Variants in KCNH5 observed in about 807,000 individuals in gnomAD.
KCNH5 encodes the protein voltage-gated delayed rectifier potassium channel KCNH5.
Under a neutral mutation model 96.1 loss-of-function variants are expected in KCNH5, and 46 were observed. The ratio of observed to expected loss-of-function variants is 0.48; its 90% CI spans 0.38 to 0.61. The LOEUF is 0.61. Ranked by LOEUF, KCNH5 falls within the 20% of genes least tolerant of loss-of-function variation. The pLI is 0.00. For synonymous variants in KCNH5, 439 were observed against 449.8 expected (o/e 0.98, Z 0.30); for missense variants, 907 against 1,225.8 (o/e 0.74, Z 3.88).
In KCNH5 at chr14:63,045,259, G is replaced by A. The variant is rs150993304; in HGVS notation, c.-73C>T. ...GATGCAGGCAAAGAAGGTGGAGGAA[G>A]AGGAGGAAAAGGTGGAAGAGAAGAT... On this transcript the variant is annotated 5_prime_UTR_variant, in exon 1 of 11. Coordinates refer to ENST00000322893, the MANE Select transcript of KCNH5 (RefSeq NM_139318.5). The A allele has an allele frequency of 0.017, 19,965 of 1,202,152 alleles. 215 individuals carry two copies. The highest frequency in any genetic ancestry group is 0.021 in the South Asian group (1,734 of 82,620). 74.5% of individuals were successfully genotyped at this position (1,202,152 alleles called of 1,614,324 possible).
At chr14:63,023,834 T>C (rs1032817127) in intron 1 of KCNH5, among the ~76,000 whole-genome samples, 7 of 152,050 alleles carry the variant, frequency 4.6e-5, no homozygotes, top group African/African-American at 1.7e-4. Context: ...TTTTAGAAAA[T>C]TTACAAATAT....
At chr14:62,810,021 A>T (rs1033345045) in intron 8 of KCNH5, among the ~76,000 whole-genome samples, 2 of 152,032 alleles carry the variant, frequency 1.3e-5, no homozygotes, top group East Asian at 3.9e-4. Flanking sequence ...AGTTCATGAA[A>T]AGTCTTCTAA....
chr14:63,012,299 A>G (rs1891244406), intron 2 of KCNH5, among the ~76,000 whole-genome samples: 1 of 152,224 alleles, frequency 6.6e-6, no homozygotes, highest in Admixed American at 6.5e-5. Flanking sequence ...AAAATGGACA[A>G]CATTTGAAAT....
intron 7 of KCNH5, among the ~76,000 whole-genome samples, chr14:62,943,310 C>A (rs1389542996): frequency 6.6e-6 from 1 of 152,046 alleles, no homozygotes; most frequent in Non-Finnish European, 1.5e-5. Context: ...CATATGAAGA[C>A]AAGAGTATAA....
chr14:62,801,253 T>C (rs1886653292), intron 9 of KCNH5, among the ~76,000 whole-genome samples: 2 of 152,072 alleles, frequency 1.3e-5, no homozygotes, highest in Admixed American at 1.3e-4. Flanking sequence ...CTATGGTAGG[T>C]TGACCTCAGT....
At chr14:62,996,363 A>C (rs540046635) in intron 4 of KCNH5, among the ~76,000 whole-genome samples, 19 of 152,320 alleles carry the variant, frequency 1.2e-4, no homozygotes, top group Non-Finnish European at 2.5e-4. Context: ...GAGAAGTCTC[A>C]AAAGTCTATT....
chr14:62,910,946 T>C (rs1889141289), intron 7 of KCNH5, among the ~76,000 whole-genome samples: 1 of 94,490 alleles, frequency 1.1e-5, no homozygotes, highest in Non-Finnish European at 2.3e-5. Flanking sequence ...CACACACCCC[T>C]CTGTTGTTCT....
At chr14:62,949,592 G>C (rs1240024439) in intron 7 of KCNH5, among the ~76,000 whole-genome samples, 2 of 152,000 alleles carry the variant, frequency 1.3e-5, no homozygotes, top group Non-Finnish European at 2.9e-5. Context: ...TTGCTGAATG[G>C]GCTTATATTC....
chr14:62,945,463 A>G (rs1889868437), intron 7 of KCNH5, among the ~76,000 whole-genome samples: 1 of 152,196 alleles, frequency 6.6e-6, no homozygotes, highest in African/African-American at 2.4e-5. Flanking sequence ...GGACATCTTC[A>G]ATTTCATTCA....
At chr14:62,781,521 G>GT (rs1248550228) in intron 9 of KCNH5, among the ~76,000 whole-genome samples, 1 of 152,130 alleles carries the variant, frequency 6.6e-6, no homozygotes, top group Admixed American at 6.5e-5. Flanking sequence ...AGTCTCGACC[G>GT]TAAGAGACGG....
intron 2 of KCNH5, among the ~76,000 whole-genome samples, chr14:63,011,909 T>C (rs1034363837): frequency 3.9e-5 from 6 of 152,178 alleles, no homozygotes; most frequent in Non-Finnish European, 8.8e-5. Context: ...TTGTCTAACT[T>C]GATGGGGTTG....
intron 10 of KCNH5, among the ~76,000 whole-genome samples, chr14:62,744,641 G>T (rs1885338771): frequency 6.6e-6 from 1 of 152,146 alleles, no homozygotes; most frequent in Non-Finnish European, 1.5e-5. Context: ...ACGAAGAGAA[G>T]TATAACCACA....
intron 7 of KCNH5, among the ~76,000 whole-genome samples, chr14:62,873,567 T>C (rs1888306286): frequency 6.6e-6 from 1 of 152,222 alleles, no homozygotes; most frequent in African/African-American, 2.4e-5. Flanking sequence ...ATGGGAAGTA[T>C]AATTGTAAAT....
At chr14:62,768,682 C>A (rs1351521374) in intron 10 of KCNH5, among the ~76,000 whole-genome samples, 1 of 152,076 alleles carries the variant, frequency 6.6e-6, no homozygotes, top group Non-Finnish European at 1.5e-5. Context: ...TATTTATTTT[C>A]TTCTTGTTTA....
At chr14:62,951,085 T>C (rs1362849994) in intron 6 of KCNH5, among the ~76,000 whole-genome samples, 1 of 152,072 alleles carries the variant, frequency 6.6e-6, no homozygotes, top group African/African-American at 2.4e-5. Context: ...AATGAACAAA[T>C]ACCATTGTTG....
At chr14:62,918,504 T>A (rs17100522) in intron 7 of KCNH5, among the ~76,000 whole-genome samples, 1 of 152,088 alleles carries the variant, frequency 6.6e-6, no homozygotes, top group Non-Finnish European at 1.5e-5. Flanking sequence ...ATCGCTAATA[T>A]GTTTTTTAAA....
chr14:62,749,361 T>G (rs1234289622), intron 10 of KCNH5, among the ~76,000 whole-genome samples: 1 of 152,194 alleles, frequency 6.6e-6, no homozygotes, highest in Non-Finnish European at 1.5e-5. Context: ...TAATTCCAGA[T>G]AAGCAGACCC....
chr14:62,845,487 T>G (rs1887672688), intron 8 of KCNH5, among the ~76,000 whole-genome samples: 1 of 152,220 alleles, frequency 6.6e-6, no homozygotes, highest in Non-Finnish European at 1.5e-5. Context: ...AAAGTTTTGT[T>G]ACAAAAGCCA....
At chr14:62,861,834 C>T (rs1023421633) in intron 7 of KCNH5, among the ~76,000 whole-genome samples, 2 of 152,072 alleles carry the variant, frequency 1.3e-5, no homozygotes, top group East Asian at 1.9e-4. Flanking sequence ...TCCATTATTT[C>T]GATACAGAGA....
Sources: allele counts gnomAD v4.1 joint callset (sites outside exome capture counted in the v4.1 genomes callset), GRCh38; gene constraint gnomAD v4.1.1; transcripts MANE v1.5; gene names NCBI Gene and HGNC (gene_info 2026-07-23, HGNC 2026-07-21).